The following SPAST variants were observed in gnomAD, a reference collection of about 807,000 sequenced individuals.
SPAST encodes the protein spastic paraplegia 4 (autosomal dominant; spastin).
SPAST carries 30 observed loss-of-function variants against 76.6 expected under a neutral mutation model. The ratio of observed to expected loss-of-function variants is 0.39; its 90% CI spans 0.29 to 0.53. The LOEUF is 0.53. Ranked by LOEUF, SPAST falls within the 20% of genes least tolerant of loss-of-function variation. SPAST has a pLI of 0.68. For synonymous variants in SPAST, 305 were observed against 281.0 expected (o/e 1.09, Z -0.86); for missense variants, 717 against 770.5 (o/e 0.93, Z 0.82).
chr2:32,079,525 G>A (rs966696746), intron 1 of SPAST, among the ~76,000 whole-genome samples: 44 of 150,912 alleles, frequency 2.9e-4, no homozygotes, highest in African/African-American at 9.2e-4. Context: ...GTATTTTTTC[G>A]TTTTTTTCCA....
intron 4 of SPAST, among the ~76,000 whole-genome samples, chr2:32,113,836 G>A (rs565696596): frequency 6.6e-6 from 1 of 151,886 alleles, no homozygotes; most frequent in Non-Finnish European, 1.5e-5. Context: ...CAAAGTGCTG[G>A]GATTACAGGT....
intron 1 of SPAST, among the ~76,000 whole-genome samples, chr2:32,083,172 A>G (rs1259907107): frequency 2.6e-5 from 4 of 152,046 alleles, no homozygotes; most frequent in Non-Finnish European, 5.9e-5. Flanking sequence ...GGATTTCACC[A>G]TGTTGGCCAG....
intron 2 of SPAST, among the ~76,000 whole-genome samples, chr2:32,088,149 A>G (rs1677567520): frequency 6.6e-6 from 1 of 151,872 alleles, no homozygotes; most frequent in African/African-American, 2.4e-5. Flanking sequence ...CAGCCTCCCA[A>G]AGTGGTGGGA....
At chr2:32,145,469 G>A (rs1679855954) in intron 15 of SPAST, among the ~76,000 whole-genome samples, 1 of 152,084 alleles carries the variant, frequency 6.6e-6, no homozygotes, top group African/African-American at 2.4e-5. Context: ...CCTGTTCTAG[G>A]CAAGAGGTTT....
At chr2:32,097,646 C>G (rs893767836) in intron 3 of SPAST, among the ~76,000 whole-genome samples, 10 of 151,262 alleles carry the variant, frequency 6.6e-5, no homozygotes, top group Non-Finnish European at 1.5e-4. Flanking sequence ...TCATTCTGTG[C>G]TACTTTAAAT....
rs558308545 is a variant in SPAST, at chr2:32,125,584, C to T, written c.1099-1364C>T. ...ATGATTCAACTTAAAAGTACATACA[C>T]CTTCACTGTTATTAAAGTGTAGGTG... On this transcript the variant is annotated intron_variant, in intron 7 of 16. Transcript: ENST00000315285. 2.6e-5 allele frequency among the ~76,000 whole-genome samples: 4 copies of T among 152,030 alleles called. No homozygotes were observed. In the South Asian group the frequency reaches 8.3e-4, roughly 31 times the overall value.
At chr2:32,127,208 CCT>C (rs1679225151) in intron 8 of SPAST, 186 bp downstream of exon 8, 1 of 583,650 alleles carries the variant, frequency 1.7e-6, no homozygotes, top group Non-Finnish European at 3.1e-6. Context: ...ACCTCCGCCT[CCT>C]GGGTTCAAGC....
intron 1 of SPAST, 115 bp downstream of exon 1, chr2:32,064,361 A>G (rs1676424445): frequency 1.0e-6 from 1 of 957,334 alleles, no homozygotes; most frequent in Non-Finnish European, 1.6e-6. Context: ...CACCCCCGGA[A>G]TTGATATGCC....
chr2:32,107,951 C>T lies in SPAST; in HGVS notation c.683-6687C>T, dbSNP rs1337033136. 3.9e-5 allele frequency among the ~76,000 whole-genome samples: 6 copies of T among 152,238 alleles called. No individual in the cohort carries two copies. In the East Asian group the frequency reaches 1.2e-3, roughly 29 times the overall value. On this transcript the variant is annotated intron_variant, in intron 4 of 16. Transcript: ENST00000315285. The stretch of plus-strand genomic sequence containing the variant: ...TGGGAAATAGTCATACCAAAGTCTG[C>T]TTATTACTACAATGTGTTATCTATT...
At chr2:32,134,506 G>A (rs188185528) in intron 9 of SPAST, among the ~76,000 whole-genome samples, 2 of 150,882 alleles carry the variant, frequency 1.3e-5, no homozygotes, top group East Asian at 4.0e-4. Flanking sequence ...GTGTCACTGT[G>A]TTGCCAGGGC....
chr2:32,129,730 G>A (rs1182248441), intron 9 of SPAST: 1 of 152,104 alleles, frequency 6.6e-6, no homozygotes, highest in Non-Finnish European at 1.5e-5. Context: ...CGGGCACAGT[G>A]GCCCATGCCT....
intron 9 of SPAST, among the ~76,000 whole-genome samples, chr2:32,132,562 A>G (rs1311322874): frequency 6.6e-6 from 1 of 151,554 alleles, no homozygotes; most frequent in African/African-American, 2.4e-5. Flanking sequence ...CCTTTCAAAT[A>G]TATAGGAACT....
At chr2:32,101,908 C>T (rs1033172038) in intron 4 of SPAST, among the ~76,000 whole-genome samples, 119 of 152,138 alleles carry the variant, frequency 7.8e-4, no homozygotes, top group African/African-American at 2.6e-3. Flanking sequence ...TCAGGTAGCA[C>T]GATGCCTCCA....
intron 4 of SPAST, among the ~76,000 whole-genome samples, chr2:32,110,174 A>C (rs1678499990): frequency 7.0e-6 from 1 of 143,558 alleles, no homozygotes; most frequent in Admixed American, 7.2e-5. Flanking sequence ...GCTGGAATGC[A>C]GTGGTGCTAT....
At chr2:32,097,258 G>A (rs548543103) in intron 3 of SPAST, among the ~76,000 whole-genome samples, 6 of 152,104 alleles carry the variant, frequency 3.9e-5, no homozygotes, top group Non-Finnish European at 7.4e-5. Context: ...CTTGGGAGGG[G>A]TTTTTGTTGT....
intron 4 of SPAST, among the ~76,000 whole-genome samples, chr2:32,103,100 C>CT (rs754400543): frequency 3.2e-4 from 48 of 152,218 alleles, no homozygotes; most frequent in East Asian, 2.3e-3. Flanking sequence ...TGGTCCTGGA[C>CT]TTTTTTTGGT....
At chr2:32,114,979 A>G (rs1332710959) in intron 5 of SPAST, among the ~76,000 whole-genome samples, 154 bp downstream of exon 5, 1 of 111,474 alleles carries the variant, frequency 9.0e-6, no homozygotes. Flanking sequence ...TTTTTTTGAG[A>G]CTCTTGTTTT....
rs796240867 is a variant in SPAST at position 32,138,683 on chromosome 2, A to G, written c.1493+1495A>G. 9.2e-5 allele frequency among the ~76,000 whole-genome samples: 14 copies of G among 152,214 alleles called. 1 individual carries two copies. The highest frequency in any genetic ancestry group is 2.9e-4 in the African/African-American group (12 of 41,544). The stretch of plus-strand genomic sequence containing the variant: ...TAGTTTAATTAGGTCCCACTTGTCA[A>G]TTTTTATTTTTGTTGCAATTGTGTT... On this transcript the variant is annotated intron_variant, in intron 12 of 16. Transcript: ENST00000315285.
chr2:32,117,247 G>A (rs1336525578), intron 7 of SPAST, among the ~76,000 whole-genome samples: 2 of 152,000 alleles, frequency 1.3e-5, no homozygotes, highest in African/African-American at 2.4e-5. Context: ...GCGAGACTCC[G>A]TCTCAAAAAA....
Sources: gnomAD v4.1 joint callset for allele counts (sites outside exome capture counted in the v4.1 genomes callset) on GRCh38, gnomAD v4.1.1 for gene constraint, MANE v1.5 for transcripts, NCBI Gene and HGNC (gene_info 2026-07-23, HGNC 2026-07-21) for gene names.